The following NHP2 variants were observed in gnomAD, a reference collection of about 807,000 sequenced individuals.
The protein encoded by NHP2 is NHP2 ribonucleoprotein, also known as H/ACA ribonucleoprotein complex subunit 2.
A neutral mutation model predicts 16.7 loss-of-function variants in NHP2; 10 were observed. The observed-to-expected ratio is 0.60, with a 90% CI of 0.37 to 1.01. The LOEUF (loss-of-function observed/expected upper bound fraction) is 1.01. Among genes scored for constraint, NHP2 ranks in the 50% least tolerant of loss-of-function variants. The pLI is 0.01. For missense variants in NHP2, 184 were observed against 198.3 expected (o/e 0.93, Z 0.43); for synonymous variants, 87 against 78.9 (o/e 1.10, Z -0.54).
In NHP2 at chr5:178,149,907, G is replaced by GT; in HGVS notation, c.337-70_337-69insA. ...CCTGTATGCCAGGAAGTCACCAACT[G>GT]ATGACCCACCAGCCTAATCTGGCCC... On this transcript the variant is annotated intron_variant, in intron 3 of 3. Transcript: ENST00000274606. The GT allele has an allele frequency of 1.9e-6, 3 of 1,562,134 alleles. No individual in the cohort carries two copies. The African/African-American group carries it at 4.1e-5, about 21-fold the overall frequency.
Position 178,149,579 on chromosome 5 carries a change from G to A in NHP2, c.*134C>T. On this transcript the variant is annotated 3_prime_UTR_variant, in exon 4 of 4. Transcript: ENST00000274606. The stretch of plus-strand genomic sequence containing the variant: ...TTACCTTCATGAAAGGGCTGTTAGA[G>A]CTGCCTGGGAAGAAGGCGTGCCTTG... 1.8e-6 allele frequency: 2 copies of A among 1,134,676 alleles called. No individual in the cohort carries two copies. Among genetic ancestry groups the A allele is most frequent in the East Asian group, 2.5e-5 (1 of 39,832 alleles). 70.3% of individuals were successfully genotyped at this position (1,134,676 alleles called of 1,614,324 possible). A position where few individuals can be genotyped will look rare whatever the true frequency, so the allele number is the denominator to read the frequency against.
At chr5:178,151,847 C>T (rs1561644613) in intron 2 of NHP2, among the ~76,000 whole-genome samples, 1 of 152,092 alleles carries the variant, frequency 6.6e-6, no homozygotes, top group Non-Finnish European at 1.5e-5. Flanking sequence ...AGCCATCTGC[C>T]TGTTTGACAG....
chr5:178,153,131 G>A (rs1756317267), intron 2 of NHP2: 2 of 386,438 alleles, frequency 5.2e-6, no homozygotes, highest in South Asian at 2.3e-5. Flanking sequence ...ATACAGAGCC[G>A]GAGAGGGGTC....
chr5:178,152,363 A>G (rs767069619), intron 2 of NHP2, among the ~76,000 whole-genome samples: 28 of 152,062 alleles, frequency 1.8e-4, no homozygotes, highest in Admixed American at 1.0e-3. Flanking sequence ...CTTCTGGCAG[A>G]ATCCTCCCAC....
chr5:178,153,462 G>A (rs373983436), intron 2 of NHP2, 29 bp downstream of exon 2: 45 of 1,610,430 alleles, frequency 2.8e-5, no homozygotes, highest in Admixed American at 1.7e-5. Context: ...GTTTAGAAAT[G>A]CAAAATCCAG....
At chr5:178,150,682 C>A (rs1040556834) in intron 3 of NHP2, 2 of 710,684 alleles carry the variant, frequency 2.8e-6, no homozygotes, top group African/African-American at 3.5e-5. Context: ...AGCGCCTGGG[C>A]TGGGATTCCC....
chr5:178,153,396 A>G, intron 2 of NHP2, 95 bp downstream of exon 2: 12 of 1,245,806 alleles, frequency 9.6e-6, no homozygotes, highest in South Asian at 8.4e-5. Flanking sequence ...ATATGGGGCT[A>G]GGTCAGAGTT....
Position 178,149,777 on chromosome 5 carries a change from T to A in NHP2, c.398A>T (p.Glu133Val). The change falls in exon 4 of 4, where the codon GAG (glutamate) becomes GTG (valine). Residue 133 changes from glutamate to valine, a missense_variant. By Grantham distance (121) the Glu-to-Val change is moderately radical. Transcript: ENST00000274606. The stretch of plus-strand genomic sequence containing the variant: ...CTCATCGTAAGCCTCCTGGTACTCC[T>A]CATGGGGCTTGACCATTATCACACA... ...PTCVIMVKPH[E>V]EYQEAYDECL... 1.2e-6 allele frequency: 2 copies of A among 1,613,996 alleles called. No homozygotes were observed. The highest frequency in any genetic ancestry group is 1.7e-6 in the Non-Finnish European group (2 of 1,179,906).
At chr5:178,151,554 A>G (rs1021266131) in intron 2 of NHP2, among the ~76,000 whole-genome samples, 2 of 152,222 alleles carry the variant, frequency 1.3e-5, no homozygotes, top group African/African-American at 2.4e-5. Context: ...CTGCTCTCCC[A>G]TGCTGGATAA....
rs1215087743 is a variant in NHP2 at position 178,150,938 on chromosome 5, C to T, written c.286G>A (p.Val96Ile). The T allele has an allele frequency of 6.2e-7, 1 of 1,614,160 alleles. No individual in the cohort carries two copies. The highest frequency in any genetic ancestry group is 1.1e-5 in the South Asian group (1 of 91,088). ...LPIEVYCHLP[V>I]MCEDRNLPYV... ...GGCAAATTTCGGTCCTCACACATGACTGGGAGATGGCAGTATACCTCAATG... is the reference window on the plus strand; with the variant it reads ...GGCAAATTTCGGTCCTCACACATGATTGGGAGATGGCAGTATACCTCAATG... The change falls in exon 3 of 4, where the codon GTC becomes ATC. Residue 96 changes from valine (V) to isoleucine (I), a missense_variant. Transcript: ENST00000274606.
intron 3 of NHP2, 47 bp downstream of exon 3, chr5:178,150,841 C>T (rs1168831204): frequency 8.0e-7 from 1 of 1,244,416 alleles, no homozygotes; most frequent in Admixed American, 1.7e-5. Flanking sequence ...CAGACTATCC[C>T]AGACACCCCA....
intron 3 of NHP2, 91 bp downstream of exon 3, chr5:178,150,797 A>G (rs771502110): frequency 1.2e-6 from 1 of 866,830 alleles, no homozygotes; most frequent in Non-Finnish European, 2.0e-6. Context: ...TAGCTCCAAC[A>G]CTCCTGGCTC....
chr5:178,153,668 G>A lies in NHP2; in HGVS notation c.150C>T (p.Cys50=), dbSNP rs1322897659. Residue 50 remains cysteine, a synonymous_variant, in exon 1 of 4, where the codon TGC becomes TGT. Coordinates refer to ENST00000274606, the MANE Select transcript of NHP2 (RefSeq NM_017838.4). ...SRRLTRKLYK[C]IKKAVKQKQI... ...CGCCGTCCGCCTCACCTTTCTTGATGCATTTGTAGAGCTTCCGCGTGAGGC... is the reference window on the plus strand; with the variant it reads ...CGCCGTCCGCCTCACCTTTCTTGATACATTTGTAGAGCTTCCGCGTGAGGC... 2 of 1,613,860 alleles carry A rather than the reference G, an allele frequency of 1.2e-6. No individual in the cohort carries two copies. Among genetic ancestry groups the A allele is most frequent in the Non-Finnish European group, 1.7e-6 (2 of 1,179,928 alleles).
chr5:178,151,633 C>T (rs1219763835), intron 2 of NHP2, among the ~76,000 whole-genome samples: 2 of 152,176 alleles, frequency 1.3e-5, no homozygotes, highest in Non-Finnish European at 2.9e-5. Context: ...CTCCTCTGGG[C>T]CCTCTGCTGG....
chr5:178,149,941 G>C (rs1172260579), intron 3 of NHP2, 103 bp from the exon 4 acceptor site: 1 of 1,246,184 alleles, frequency 8.0e-7, no homozygotes, highest in Non-Finnish European at 1.1e-6. Flanking sequence ...CCACAACCAT[G>C]TTCTGTTCGG....
Position 178,153,788 on chromosome 5 carries a change from C to T in NHP2, c.30G>A (p.Gly10=). MTKIKADPD[G]PEAQAEACSG... The stretch of plus-strand genomic sequence containing the variant: ...AACACGCCTCCGCCTGAGCCTCGGG[C>T]CCGTCGGGATCTGCCTTTATTTTGG... The change falls in exon 1 of 4, where the codon GGG becomes GGA. Residue 10 remains glycine, a synonymous_variant. Transcript: ENST00000274606. The T allele has an allele frequency of 1.9e-6, 3 of 1,611,924 alleles. No homozygotes were observed. The highest frequency in any genetic ancestry group is 2.5e-6 in the Non-Finnish European group (3 of 1,179,122).
At chr5:178,150,008 A>G (rs975464482) in intron 3 of NHP2, 170 bp from the exon 4 acceptor site, 2 of 658,302 alleles carry the variant, frequency 3.0e-6, no homozygotes, top group African/African-American at 3.7e-5. Context: ...ACTCAATCAG[A>G]CTTTGAAGGC....
chr5:178,149,635 G>A lies in NHP2; in HGVS notation c.*78C>T, dbSNP rs1338034547. 2.5e-6 allele frequency: 4 copies of A among 1,587,358 alleles called. No individual in the cohort carries two copies. The highest frequency in any genetic ancestry group is 3.4e-6 in the Non-Finnish European group (4 of 1,160,978). ...CTGGGAAGATGCCGTCAGTGTGGGT[G>A]GGCAGGAGGACAGCCAGTCGTCCTG... On this transcript the variant is annotated 3_prime_UTR_variant, in exon 4 of 4. Coordinates refer to ENST00000274606, the MANE Select transcript of NHP2 (RefSeq NM_017838.4).
In NHP2 at chr5:178,153,289, T is replaced by C. The variant is rs544193650; in HGVS notation, c.230+202A>G. ...ACTTTGCTTACACAATTCGCTTCAC[T>C]TTGGAATTCACTTTGAGCTGGTATA... On this transcript the variant is annotated intron_variant, in intron 2 of 3. Transcript: ENST00000274606. 576 of 660,570 alleles carry C rather than the reference T, an allele frequency of 8.7e-4. 1 individual carries two copies. The highest frequency in any genetic ancestry group is 1.5e-3 in the Non-Finnish European group (523 of 358,808). 40.9% of individuals were successfully genotyped at this position (660,570 alleles called of 1,614,324 possible).
Sources: allele counts gnomAD v4.1 joint callset (sites outside exome capture counted in the v4.1 genomes callset), GRCh38; gene constraint gnomAD v4.1.1; transcripts MANE v1.5; gene names NCBI Gene and HGNC (gene_info 2026-07-23, HGNC 2026-07-21).